The following ARSG variants were observed in gnomAD, a reference collection of about 807,000 sequenced individuals.
ARSG encodes the protein arylsulfatase G, also known as ASG.
In ARSG, 37 loss-of-function variants were observed where a neutral mutation model predicts 50.5. The ratio of observed to expected loss-of-function variants is 0.73; its 90% confidence interval spans 0.56 to 0.96. The LOEUF (loss-of-function observed/expected upper bound fraction) is 0.96, where lower values mean the gene tolerates loss of function less well. Among genes scored for constraint, ARSG ranks in the 50% least tolerant of loss-of-function variants. The pLI, the probability that ARSG is intolerant of heterozygous loss-of-function variation, is 0.00. For missense variants in ARSG, 629 were observed against 675.3 expected (o/e 0.93, Z 0.76); for synonymous variants, 225 against 254.6 (o/e 0.88, Z 1.11).
At chr17:68,303,385 A>G (rs2076491994) in intron 1 of ARSG, among the ~76,000 whole-genome samples, 1 of 152,122 alleles carries the variant, frequency 6.6e-6, no homozygotes, top group South Asian at 2.1e-4. Context: ...CTTGCCTCCC[A>G]AAGTGCTGGG....
chr17:68,355,066 C>T (rs1358382424), intron 5 of ARSG, among the ~76,000 whole-genome samples: 1 of 152,192 alleles, frequency 6.6e-6, no homozygotes, highest in Non-Finnish European at 1.5e-5. Flanking sequence ...GTCTGCATTG[C>T]TCTCAGCTTC....
chr17:68,320,244 C>T (rs953190896), intron 2 of ARSG, among the ~76,000 whole-genome samples: 7 of 151,048 alleles, frequency 4.6e-5, no homozygotes, highest in African/African-American at 1.2e-4. Flanking sequence ...GAGCCGAGAT[C>T]GTGCCACTGC....
At chr17:68,322,995 A>G (rs762094420) in intron 2 of ARSG, among the ~76,000 whole-genome samples, 2 of 151,870 alleles carry the variant, frequency 1.3e-5, no homozygotes, top group Non-Finnish European at 2.9e-5. Context: ...TCAACATAGC[A>G]AGACCCCATC....
intron 2 of ARSG, among the ~76,000 whole-genome samples, chr17:68,313,529 C>T (rs150816554): frequency 1.3e-5 from 2 of 152,160 alleles, no homozygotes; most frequent in Non-Finnish European, 2.9e-5. Context: ...TGAAGGCCCA[C>T]CCTACTCCAG....
At chr17:68,373,473 C>A (rs2079968823) in intron 8 of ARSG, among the ~76,000 whole-genome samples, 1 of 152,048 alleles carries the variant, frequency 6.6e-6, no homozygotes, top group South Asian at 2.1e-4. Context: ...AGGTGATCCA[C>A]CCATCTTGGC....
chr17:68,421,383 T>A (rs2082761208), downstream of ARSG: 1 of 173,050 alleles, frequency 5.8e-6, no homozygotes, highest in African/African-American at 2.4e-5. Flanking sequence ...GCTAAAAGAG[T>A]CTCTCTCTAA....
the ARSG span, chr17:68,430,186 TGG>T: frequency 1.2e-6 from 2 of 1,600,052 alleles, no homozygotes; most frequent in Non-Finnish European, 1.7e-6. Flanking sequence ...CAGGCAACGA[TGG>T]GACTGGGCTG....
At chr17:68,282,503 A>C (rs1337946866) in intron 1 of ARSG, among the ~76,000 whole-genome samples, 5 of 152,038 alleles carry the variant, frequency 3.3e-5, no homozygotes, top group Non-Finnish European at 5.9e-5. Flanking sequence ...AAAAAAAAAA[A>C]AAACTACACA....
the ARSG span, chr17:68,433,546 C>T: frequency 1.2e-6 from 2 of 1,613,952 alleles, no homozygotes; most frequent in East Asian, 2.2e-5. Flanking sequence ...TGAATCCATA[C>T]TGAACACTAG....
chr17:68,266,655 C>T (rs2075172940), intron 1 of ARSG, among the ~76,000 whole-genome samples: 1 of 151,382 alleles, frequency 6.6e-6, no homozygotes, highest in South Asian at 2.1e-4. Context: ...AGTAAAAATA[C>T]ACAAAATTAG....
intron 4 of ARSG, 47 bp downstream of exon 4, chr17:68,347,219 G>A: frequency 6.3e-7 from 1 of 1,589,080 alleles, no homozygotes; most frequent in South Asian, 1.1e-5. Flanking sequence ...AGAAAATAAA[G>A]GTCTCTGTGT....
intron 1 of ARSG, chr17:68,273,775 C>G: frequency 1.1e-6 from 1 of 892,774 alleles, no homozygotes; most frequent in East Asian, 2.6e-5. Flanking sequence ...GTCCATATAG[C>G]TCAGTTCAAA....
intron 1 of ARSG, among the ~76,000 whole-genome samples, chr17:68,297,032 G>A (rs2076233242): frequency 1.3e-5 from 2 of 152,144 alleles, no homozygotes; most frequent in African/African-American, 2.4e-5. Context: ...CTTCTGGGCC[G>A]GGTGCCGGAA....
intron 6 of ARSG, among the ~76,000 whole-genome samples, chr17:68,362,396 G>A (rs529372376): frequency 2.0e-4 from 31 of 152,104 alleles, no homozygotes; most frequent in African/African-American, 6.7e-4. Context: ...AATGACTAGC[G>A]AGGCAATCAT....
intron 3 of ARSG, 62 bp from the exon 4 acceptor site, chr17:68,347,063 T>C: frequency 6.3e-7 from 1 of 1,585,780 alleles, no homozygotes; most frequent in Non-Finnish European, 8.7e-7. Flanking sequence ...GATCAGCTCC[T>C]CAGGGGGCTG....
intron 8 of ARSG, among the ~76,000 whole-genome samples, chr17:68,372,418 G>A (rs1309018927): frequency 6.6e-6 from 1 of 152,158 alleles, no homozygotes. Context: ...AGTTCTGTAG[G>A]CTGTACAGGA....
At chr17:68,448,325 C>T in the ARSG span, 37 of 152,294 alleles carry the variant, frequency 2.4e-4, no homozygotes, top group East Asian at 3.7e-3. Flanking sequence ...TCATTCTTGT[C>T]GGAGAAGAAA....
intron 1 of ARSG, among the ~76,000 whole-genome samples, chr17:68,265,258 C>G (rs2075135594): frequency 6.6e-6 from 1 of 151,964 alleles, no homozygotes; most frequent in South Asian, 2.1e-4. Flanking sequence ...CTTTGGAAGG[C>G]CATAGTGGGC....
chr17:68,415,849 G>A (rs1395078914), intron 11 of ARSG, among the ~76,000 whole-genome samples: 1 of 152,048 alleles, frequency 6.6e-6, no homozygotes, highest in Non-Finnish European at 1.5e-5. Context: ...GCTTACTTTT[G>A]GTGTTCATTT....
Sources: gnomAD v4.1 joint callset for allele counts (sites outside exome capture counted in the v4.1 genomes callset) on GRCh38, gnomAD v4.1.1 for gene constraint, MANE v1.5 for transcripts, NCBI Gene and HGNC (gene_info 2026-07-23, HGNC 2026-07-21) for gene names.